The following ATP10B variants were observed in gnomAD, a reference collection of about 807,000 sequenced individuals.
ATP10B encodes ATPase phospholipid transporting 10B (putative).
ATP10B carries 122 observed loss-of-function variants against 141.2 expected under a neutral mutation model. That is an observed-to-expected ratio of 0.86 (90% CI 0.75 to 1.00). The LOEUF (loss-of-function observed/expected upper bound fraction) is 1.00, where lower values mean the gene tolerates loss of function less well. Ranked by LOEUF, ATP10B falls within the 50% of genes least tolerant of loss-of-function variation. The probability of loss-of-function intolerance (pLI) is 0.00; values close to 1 mark genes in which losing one functional copy is unlikely to be tolerated. For synonymous variants in ATP10B, 685 were observed against 692.0 expected, an observed-to-expected ratio of 0.99 and a Z score of 0.16; for missense variants, 1,876 against 1,825.3, an observed-to-expected ratio of 1.03 and a Z score of -0.51.
the ATP10B span, among the ~76,000 whole-genome samples, chr5:160,894,098 C>A: frequency 3.9e-5 from 6 of 152,082 alleles, no homozygotes; most frequent in South Asian, 1.2e-3. Context: ...AAAACCAGCA[C>A]AAAAAGGCTG....
chr5:160,577,578 A>G (rs1031002774), intron 24 of ATP10B, among the ~76,000 whole-genome samples: 13 of 152,180 alleles, frequency 8.5e-5, no homozygotes, highest in Non-Finnish European at 4.4e-5. Context: ...TCTAATCCTT[A>G]GGTTGGTACA....
intron 22 of ATP10B, among the ~76,000 whole-genome samples, chr5:160,593,330 A>C (rs1473333147): frequency 6.6e-6 from 1 of 152,196 alleles, no homozygotes; most frequent in Non-Finnish European, 1.5e-5. Context: ...ACCTCTAGCA[A>C]ACTCCAACAG....
rs2127623426 is a variant in ATP10B, at chr5:160,600,191, C to T, written c.3364-1221G>A. On this transcript the variant is annotated intron_variant, in intron 21 of 25. Coordinates refer to ENST00000327245, the MANE Select transcript of ATP10B (RefSeq NM_025153.3). The stretch of plus-strand genomic sequence containing the variant: ...ACTACGTTATTGTACTGATATATCA[C>T]ATGTTGATATTAACAATAATATTAA... 2.0e-5 allele frequency among the ~76,000 whole-genome samples: 3 copies of T among 152,244 alleles called. No individual in the cohort carries two copies. In the Middle Eastern group the frequency reaches 0.01, roughly 518 times the overall value.
At chr5:160,608,347 G>A in intron 18 of ATP10B, among the ~76,000 whole-genome samples, 1 of 152,092 alleles carries the variant, frequency 6.6e-6, no homozygotes, top group East Asian at 1.9e-4. Flanking sequence ...CATTTGGGTT[G>A]GTTCCAGGTC....
chr5:160,892,735 AC>A, the ATP10B span, among the ~76,000 whole-genome samples: 2 of 152,164 alleles, frequency 1.3e-5, no homozygotes, highest in Non-Finnish European at 2.9e-5. Context: ...ATAATAAGAG[AC>A]AATACAGGTA....
At chr5:160,862,419 C>A in the ATP10B span, among the ~76,000 whole-genome samples, 2 of 151,944 alleles carry the variant, frequency 1.3e-5, no homozygotes, top group African/African-American at 2.4e-5. Context: ...TCACACTTAC[C>A]TGGCCAGTCT....
intron 6 of ATP10B, among the ~76,000 whole-genome samples, chr5:160,672,108 C>T (rs1762747419): frequency 1.3e-5 from 2 of 149,518 alleles, no homozygotes; most frequent in African/African-American, 2.5e-5. Flanking sequence ...TCCTGAGTAG[C>T]TGGGATTATA....
At chr5:160,912,455 A>T in the ATP10B span, among the ~76,000 whole-genome samples, 2 of 147,558 alleles carry the variant, frequency 1.4e-5, no homozygotes, top group African/African-American at 5.0e-5. Context: ...AAAACTTAGC[A>T]GGGCATGGTG....
chr5:160,886,106 CG>C, the ATP10B span, among the ~76,000 whole-genome samples: 1 of 152,100 alleles, frequency 6.6e-6, no homozygotes, highest in South Asian at 2.1e-4. Flanking sequence ...TTTTAGCCAT[CG>C]GGGGAATTTT....
At chr5:160,760,730 G>C (rs1297469004) in intron 2 of ATP10B, among the ~76,000 whole-genome samples, 2 of 152,136 alleles carry the variant, frequency 1.3e-5, no homozygotes, top group South Asian at 2.1e-4. Flanking sequence ...AGCTGGGTGA[G>C]GCCTGTCACT....
At chr5:160,604,160 A>G (rs1417993846) in intron 19 of ATP10B, 119 bp from the exon 20 acceptor site, 13 of 735,588 alleles carry the variant, frequency 1.8e-5, no homozygotes, top group Non-Finnish European at 3.2e-5. Flanking sequence ...CTCTAGTGCT[A>G]TAGAAAGTCA....
At position 160,632,332 on chromosome 5, in the gene ATP10B, C is replaced by T; in HGVS notation, c.1417G>A (p.Asp473Asn). 1 of 1,614,224 alleles carries T rather than the reference C, an allele frequency of 6.2e-7. No individual in the cohort carries two copies. The highest frequency in any genetic ancestry group is 8.5e-7 in the Non-Finnish European group (1 of 1,180,028). ...RLETPKELDS[D>N]GEEWTQYQCL... ...TGGTATTGGGTCCACTCTTCACCAT[C>T]TGAGTCCAGCTCCTTTGGGGTCTCC... Residue 473 changes from aspartate (D) to asparagine (N), a missense_variant, in exon 13 of 26, where the codon GAT becomes AAT. Asp to Asn is a conservative substitution (Grantham distance 23). Coordinates refer to ENST00000327245, the MANE Select transcript of ATP10B (RefSeq NM_025153.3).
At chr5:160,818,268 T>A (rs1406744484) in intron 1 of ATP10B, among the ~76,000 whole-genome samples, 1 of 152,192 alleles carries the variant, frequency 6.6e-6, no homozygotes, top group African/African-American at 2.4e-5. Flanking sequence ...GGGGCTAATA[T>A]GCAGAATCTA....
chr5:160,660,953 G>T (rs1229769598), intron 7 of ATP10B, among the ~76,000 whole-genome samples: 2 of 152,228 alleles, frequency 1.3e-5, no homozygotes, highest in African/African-American at 4.8e-5. Flanking sequence ...TTGGGAGGCT[G>T]AGGTGGGCGG....
chr5:160,816,779 C>T (rs989013705), intron 1 of ATP10B, among the ~76,000 whole-genome samples: 13 of 152,174 alleles, frequency 8.5e-5, no homozygotes, highest in African/African-American at 3.1e-4. Context: ...CCAAATCCAG[C>T]AGCACATCAA....
chr5:160,803,615 G>A (rs1255648905), intron 1 of ATP10B, among the ~76,000 whole-genome samples: 1 of 152,134 alleles, frequency 6.6e-6, no homozygotes, highest in Non-Finnish European at 1.5e-5. Context: ...GGTGGAGGTT[G>A]CAGTGAGCCA....
chr5:160,923,034 T>A, the ATP10B span, among the ~76,000 whole-genome samples: 1 of 152,218 alleles, frequency 6.6e-6, no homozygotes, highest in Admixed American at 6.5e-5. Context: ...AAGAAAAAAG[T>A]TTACACTCAT....
chr5:160,614,646 G>A (rs1270426121), intron 17 of ATP10B: 3 of 152,372 alleles, frequency 2.0e-5, no homozygotes, highest in African/African-American at 7.2e-5. Flanking sequence ...AAGGCTGAAG[G>A]ATGTGGGGAG....
In ATP10B at chr5:160,569,592, C is replaced by T; in HGVS notation, c.3842G>A (p.Ser1281Asn). The T allele has an allele frequency of 1.9e-6, 3 of 1,613,764 alleles. No homozygotes were observed. The highest frequency in any genetic ancestry group is 2.5e-6 in the Non-Finnish European group (3 of 1,179,820). ...LYNATCVICNSPTNPYWVMEG... is the reference protein window; with the variant it reads ...LYNATCVICNNPTNPYWVMEG... ...CATCACCCAATAGGGATTGGTGGGG[C>T]TGTTGCAGATGACGCAGGTGGCATT... Residue 1281 changes from serine (S) to asparagine (N), a missense_variant, in exon 25 of 26, where the codon AGC becomes AAC. Transcript: ENST00000327245.
Sources: gnomAD v4.1 joint callset for allele counts (sites outside exome capture counted in the v4.1 genomes callset) on GRCh38, gnomAD v4.1.1 for gene constraint, MANE v1.5 for transcripts, NCBI Gene and HGNC (gene_info 2026-07-23, HGNC 2026-07-21) for gene names.